PLCG2: variants seen among roughly 807,000 people sequenced by gnomAD.
The protein encoded by PLCG2 is 1-phosphatidylinositol 4,5-bisphosphate phosphodiesterase gamma-2.
A neutral mutation model predicts 175.6 loss-of-function variants in PLCG2; 69 were observed. The ratio of observed to expected loss-of-function variants is 0.39; its 90% CI spans 0.32 to 0.48. PLCG2 has a LOEUF of 0.48. PLCG2 is among the 20% of genes least tolerant of loss of function. The probability of loss-of-function intolerance (pLI) is 0.91; values close to 1 mark genes in which losing one functional copy is unlikely to be tolerated. For missense variants in PLCG2, 1,798 were observed against 1,650.9 expected (o/e 1.09, Z -1.54); for synonymous variants, 827 against 624.0 (o/e 1.33, Z -4.85).
intron 2 of PLCG2, among the ~76,000 whole-genome samples, chr16:81,805,367 C>CGG (rs1911950495): frequency 6.6e-6 from 1 of 151,552 alleles, no homozygotes; most frequent in African/African-American, 2.4e-5. Context: ...GGTGTGGTGT[C>CGG]GGGTGCCTAT....
At chr16:81,884,154 C>G (rs549379885) in intron 9 of PLCG2, among the ~76,000 whole-genome samples, 15 of 152,318 alleles carry the variant, frequency 9.8e-5, no homozygotes, top group Admixed American at 2.0e-4. Flanking sequence ...AGTTCGAGAC[C>G]TACCTGGCCA....
Position 81,943,367 on chromosome 16 carries a change from A to T in PLCG2, c.3482-2808A>T, listed in dbSNP as rs145404179. The stretch of plus-strand genomic sequence containing the variant: ...ACATATTTACATGGCCAGCAGGAGG[A>T]AAAGAGAGCTAGTGAAGGGGGAGGT... On this transcript the variant is annotated intron_variant, in intron 30 of 32. Coordinates refer to ENST00000564138, the MANE Select transcript of PLCG2 (RefSeq NM_002661.5). Among the ~76,000 whole-genome samples, 4 of 152,302 alleles carry T rather than the reference A, an allele frequency of 2.6e-5. No homozygotes were observed. In the East Asian group the frequency reaches 7.7e-4, roughly 29 times the overall value.
chr16:81,879,910 A>T (rs1438004169), intron 7 of PLCG2, among the ~76,000 whole-genome samples: 3 of 152,168 alleles, frequency 2.0e-5, no homozygotes, highest in South Asian at 2.1e-4. Context: ...GCAGTCCGAT[A>T]TTTCTTTCGT....
At chr16:81,762,541 C>T (rs1482617564) in intron 2 of PLCG2, among the ~76,000 whole-genome samples, 2 of 151,790 alleles carry the variant, frequency 1.3e-5, no homozygotes, top group South Asian at 4.2e-4. Context: ...TGCATTCCAG[C>T]CTGGGCAATA....
At chr16:81,923,395 T>G in intron 21 of PLCG2, 90 bp from the exon 22 acceptor site, 10 of 729,540 alleles carry the variant, frequency 1.4e-5, no homozygotes, top group Non-Finnish European at 2.1e-5. Context: ...TGCTCCCCAA[T>G]GAGAAGAACC....
chr16:81,884,384 CA>C (rs879500403), intron 9 of PLCG2, among the ~76,000 whole-genome samples: 336 of 140,414 alleles, frequency 2.4e-3, no homozygotes, highest in African/African-American at 3.5e-3. Context: ...CCCACCCCAC[CA>C]AAAAAAAAAA....
upstream of PLCG2, among the ~76,000 whole-genome samples, chr16:81,777,252 C>G (rs1297787657): frequency 1.3e-5 from 2 of 152,174 alleles, no homozygotes; most frequent in Non-Finnish European, 2.9e-5. Context: ...GGTCTCCACA[C>G]ATTCTGATTA....
intron 19 of PLCG2, among the ~76,000 whole-genome samples, chr16:81,913,675 G>A (rs1909726437): frequency 6.6e-6 from 1 of 152,238 alleles, no homozygotes; most frequent in Non-Finnish European, 1.5e-5. Flanking sequence ...GGAGGCAGTG[G>A]ATGCTCTGGG....
chr16:81,834,167 C>G (rs1567488863), intron 2 of PLCG2, among the ~76,000 whole-genome samples: 1 of 152,166 alleles, frequency 6.6e-6, no homozygotes, highest in Non-Finnish European at 1.5e-5. Flanking sequence ...CCTGGGCTGT[C>G]TCTGGAAAAT....
chr16:81,935,698 C>A (rs1377416443), intron 26 of PLCG2: 1 of 985,234 alleles, frequency 1.0e-6, no homozygotes, highest in Non-Finnish European at 1.2e-6. Context: ...GTCCCCTTCC[C>A]TCTCCTCCTG....
At chr16:81,857,146 T>C (rs1906727404) in intron 3 of PLCG2, among the ~76,000 whole-genome samples, 1 of 152,236 alleles carries the variant, frequency 6.6e-6, no homozygotes, top group Admixed American at 6.5e-5. Context: ...ACTGAACCTT[T>C]GATATACTTT....
intron 5 of PLCG2, among the ~76,000 whole-genome samples, chr16:81,864,465 C>T (rs1597361537): frequency 6.6e-6 from 1 of 152,332 alleles, no homozygotes; most frequent in South Asian, 2.1e-4. Context: ...GTTGAAAGTT[C>T]TGTCAGATGG....
chr16:81,806,377 T>G (rs1912022743), intron 2 of PLCG2, among the ~76,000 whole-genome samples: 2 of 151,862 alleles, frequency 1.3e-5, no homozygotes, highest in Non-Finnish European at 2.9e-5. Context: ...AGACTGAAAA[T>G]GTGGAAGTGT....
chr16:81,842,559 C>T (rs944178191), intron 2 of PLCG2, among the ~76,000 whole-genome samples: 2 of 152,114 alleles, frequency 1.3e-5, no homozygotes, highest in Admixed American at 1.3e-4. Flanking sequence ...TGTTTGCTCG[C>T]TTGAATATGT....
At chr16:81,787,731 C>A (rs1228121079) in intron 2 of PLCG2, among the ~76,000 whole-genome samples, 1 of 152,014 alleles carries the variant, frequency 6.6e-6, no homozygotes, top group African/African-American at 2.4e-5. Context: ...TCACCCCATC[C>A]CCTCATCCCC....
At chr16:81,931,194 G>A (rs2143712483) in intron 24 of PLCG2, 1 of 202,592 alleles carries the variant, frequency 4.9e-6, no homozygotes, top group Middle Eastern at 1.7e-3. Context: ...CCTAAATCCA[G>A]GATAATCTCA....
At chr16:81,838,745 C>A (rs977893362) in intron 2 of PLCG2, among the ~76,000 whole-genome samples, 1 of 149,722 alleles carries the variant, frequency 6.7e-6, no homozygotes, top group South Asian at 2.1e-4. Flanking sequence ...CTGCACGTTC[C>A]GCACATGTAT....
intron 1 of PLCG2, among the ~76,000 whole-genome samples, chr16:81,780,847 T>G (rs1279632879): frequency 6.6e-6 from 1 of 152,138 alleles, no homozygotes; most frequent in Non-Finnish European, 1.5e-5. Context: ...ACCAACATGG[T>G]GAAACCCCAT....
chr16:81,796,299 A>T (rs2143222409), intron 2 of PLCG2, among the ~76,000 whole-genome samples: 1 of 152,342 alleles, frequency 6.6e-6, no homozygotes, highest in Admixed American at 6.5e-5. Context: ...TTGCTGCCAC[A>T]TCAGTGACAG....
Sources: gnomAD v4.1 joint callset for allele counts (sites outside exome capture counted in the v4.1 genomes callset) on GRCh38, gnomAD v4.1.1 for gene constraint, MANE v1.5 for transcripts, NCBI Gene and HGNC (gene_info 2026-07-23, HGNC 2026-07-21) for gene names.